Variants in FAM98B observed in about 807,000 individuals in gnomAD.
FAM98B encodes tRNA splicing ligase complex subunit 3B.
A neutral mutation model predicts 43.9 loss-of-function variants in FAM98B; 32 were observed. The ratio of observed to expected loss-of-function variants is 0.73; its 90% confidence interval spans 0.55 to 0.98. FAM98B has a LOEUF of 0.98. Ranked by LOEUF, FAM98B falls within the 50% of genes least tolerant of loss-of-function variation. The pLI is 0.00. For missense variants in FAM98B, 514 were observed against 522.9 expected (o/e 0.98, Z 0.17); for synonymous variants, 190 against 174.0 (o/e 1.09, Z -0.72).
intron 6 of FAM98B, among the ~76,000 whole-genome samples, chr15:38,480,330 G>A (rs532645602): frequency 2.1e-4 from 32 of 151,894 alleles, no homozygotes; most frequent in Non-Finnish European, 4.3e-4. Flanking sequence ...TCCTTTTCTC[G>A]TTGATCTGTG....
In FAM98B at chr15:38,481,334, T is replaced by C; in HGVS notation, c.772T>C (p.Tyr258His). 1 of 1,614,172 alleles carries C rather than the reference T, an allele frequency of 6.2e-7. No individual in the cohort carries two copies. The highest frequency in any genetic ancestry group is 8.5e-7 in the Non-Finnish European group (1 of 1,180,016). The change falls in exon 7 of 8, where the codon TAT becomes CAT. Residue 258 changes from tyrosine to histidine, a missense_variant. Around this residue, in one of 2 missense-constraint regions of FAM98B, gnomAD observed 469 missense variants for 451.8 expected, o/e 1.04. Transcript: ENST00000397609. ...AGCAAGAATTTATCAGCCTAAGCGT[T>C]ATGCTTTGTCACCCAAGACAACGAT... ...DIARIYQPKR[Y>H]ALSPKTTITM...
chr15:38,454,530 C>G (rs1889818005), intron 1 of FAM98B, among the ~76,000 whole-genome samples: 1 of 152,226 alleles, frequency 6.6e-6, no homozygotes, highest in African/African-American at 2.4e-5. Context: ...CACCGGTTTT[C>G]TGGGCTAGCT....
In FAM98B at chr15:38,454,249, A is replaced by C. The variant is rs1889812188; in HGVS notation, c.71+17A>C. On this transcript the variant is annotated intron_variant, in intron 1 of 7. Coordinates refer to ENST00000397609, the MANE Select transcript of FAM98B (RefSeq NM_173611.4). ...GGCGCTGGGGTGAGTGCTTTTGGAGACGCCTTTTCCCTGAAAACGCAACCT... is the reference window on the plus strand; with the variant it reads ...GGCGCTGGGGTGAGTGCTTTTGGAGCCGCCTTTTCCCTGAAAACGCAACCT... The C allele has an allele frequency of 6.3e-7, 1 of 1,593,516 alleles. No homozygotes were observed. Among genetic ancestry groups the C allele is most frequent in the Non-Finnish European group, 8.5e-7 (1 of 1,171,558 alleles).
chr15:38,465,507 G>T lies in FAM98B; in HGVS notation c.352+104G>T, dbSNP rs928000838. The T allele has an allele frequency of 3.7e-6, 4 of 1,069,998 alleles. No homozygotes were observed. In the African/African-American group the frequency reaches 6.5e-5, roughly 17 times the overall value. The allele number at this position is 1,069,998 out of a possible 1,614,324, so 66.3% of individuals were successfully genotyped here. On this transcript the variant is annotated intron_variant, in intron 3 of 7. Coordinates refer to ENST00000397609, the MANE Select transcript of FAM98B (RefSeq NM_173611.4). ...ATTAGACATTTTGTATATTAAAAGGGTTTTAATATTTTACTTAAAATACAA... is the reference window on the plus strand; with the variant it reads ...ATTAGACATTTTGTATATTAAAAGGTTTTTAATATTTTACTTAAAATACAA...
intron 7 of FAM98B, chr15:38,482,268 C>T (rs954383522): frequency 3.3e-5 from 5 of 152,242 alleles, no homozygotes; most frequent in African/African-American, 1.2e-4. Flanking sequence ...TCTGTGCTTC[C>T]ACTGTGGCTC....
At chr15:38,477,868 A>G (rs184533647) in intron 6 of FAM98B, among the ~76,000 whole-genome samples, 2 of 152,200 alleles carry the variant, frequency 1.3e-5, no homozygotes, top group Non-Finnish European at 1.5e-5. Flanking sequence ...TAAGTTACCA[A>G]CGAAGCAGAT....
chr15:38,469,415 C>CATGTGTG (rs1890089622), intron 3 of FAM98B, among the ~76,000 whole-genome samples: 2 of 152,124 alleles, frequency 1.3e-5, no homozygotes, highest in Non-Finnish European at 2.9e-5. Flanking sequence ...TATGTTCTCC[C>CATGTGTG]CTGACCTGTG....
At chr15:38,459,459 G>A in intron 1 of FAM98B, 1 of 349,870 alleles carries the variant, frequency 2.9e-6, no homozygotes, top group Admixed American at 3.6e-5. Flanking sequence ...GCTTCTTAAG[G>A]AGGGCTTGGA....
At position 38,484,412 on chromosome 15, in the gene FAM98B, GT is replaced by G; in HGVS notation, c.1056del (p.Gly354ValfsTer86). 3 of 953,656 alleles carry G rather than the reference GT, an allele frequency of 3.1e-6. No homozygotes were observed. Among genetic ancestry groups the G allele is most frequent in the Non-Finnish European group, 3.8e-6 (3 of 783,612 alleles). The allele number at this position is 953,656 out of a possible 1,614,324, so 59.1% of individuals were successfully genotyped here. A position where few individuals can be genotyped will look rare whatever the true frequency, so the allele number is the denominator to read the frequency against. On this transcript the variant is annotated frameshift_variant, in exon 8 of 8. Transcript: ENST00000397609. LOFTEE classifies it low-confidence loss of function (END_TRUNC). Reference protein sequence around the residue: ...GGGGGRGGGGGGGGRGGWGGG... With the variant: ...GGGGGRGGGGXGGGRGGWGGG... ...GGTGGTGGTAGAGGAGGTGGTGGGG[GT>G]GGGGGTGGGAGAGGTGGCTGGGGGG...
chr15:38,466,813 T>C (rs144310473), intron 3 of FAM98B, among the ~76,000 whole-genome samples: 72 of 152,226 alleles, frequency 4.7e-4, no homozygotes, highest in Admixed American at 9.2e-4. Flanking sequence ...AGAAAAGCAT[T>C]TATAATCTCA....
chr15:38,485,815 T>C lies in FAM98B; in HGVS notation c.*1156T>C, dbSNP rs915293855. On this transcript the variant is annotated 3_prime_UTR_variant, in exon 8 of 8. Coordinates refer to ENST00000397609, the MANE Select transcript of FAM98B (RefSeq NM_173611.4). ...TTGTTAAAAACTTACAGAGGGCCTA[T>C]TTTGAATGCTTTAAGATGTAGGCCA... is the stretch of plus-strand genomic sequence containing the variant. 15 of 152,164 alleles carry C rather than the reference T, an allele frequency of 9.9e-5. No individual in the cohort carries two copies. Among genetic ancestry groups the C allele is most frequent in the Non-Finnish European group, 1.9e-4 (13 of 68,018 alleles). The allele number at this position is 152,164 out of a possible 1,614,324, so 9.4% of individuals were successfully genotyped here. A position where few individuals can be genotyped will look rare whatever the true frequency, so the allele number is the denominator to read the frequency against.
At position 38,487,151 on chromosome 15, in the gene FAM98B, T is replaced by C. The variant is rs1890390120; in HGVS notation, c.*2492T>C. On this transcript the variant is annotated 3_prime_UTR_variant, in exon 8 of 8. Transcript: ENST00000397609. ...AAGAGCATGTATTCTGTCTATAACA[T>C]AATCACCACACTATTACTCATAAGC... is the stretch of plus-strand genomic sequence containing the variant. The C allele has an allele frequency of 6.6e-6, 1 of 152,128 alleles. No homozygotes were observed. Among genetic ancestry groups the C allele is most frequent in the African/African-American group, 2.4e-5 (1 of 41,460 alleles). The allele number at this position is 152,128 out of a possible 1,614,324, so 9.4% of individuals were successfully genotyped here.
intron 7 of FAM98B, chr15:38,481,840 G>C: frequency 2.7e-6 from 1 of 364,464 alleles, no homozygotes; most frequent in Non-Finnish European, 5.0e-6. Context: ...TTTAGAGTCA[G>C]ACCAATCTGG....
In FAM98B at chr15:38,485,631, C is replaced by G. The variant is rs1890357752; in HGVS notation, c.*972C>G. The G allele has an allele frequency of 6.6e-6, 1 of 152,140 alleles. No individual in the cohort carries two copies. The highest frequency in any genetic ancestry group is 2.1e-4 in the South Asian group (1 of 4,830). The allele number at this position is 152,140 out of a possible 1,614,324, so 9.4% of individuals were successfully genotyped here. ...TTGGAGCAGTCAAAGTCTTAGCTATCAAGAGTTGTGAATTTGAATCATGGC... is the reference window on the plus strand; with the variant it reads ...TTGGAGCAGTCAAAGTCTTAGCTATGAAGAGTTGTGAATTTGAATCATGGC... On this transcript the variant is annotated 3_prime_UTR_variant, in exon 8 of 8. Transcript: ENST00000397609.
chr15:38,458,645 C>A, intron 1 of FAM98B: 1 of 190,194 alleles, frequency 5.3e-6, no homozygotes, highest in Non-Finnish European at 1.1e-5. Context: ...TTTCCAGGCC[C>A]ATGTGGTGAG....
intron 6 of FAM98B, among the ~76,000 whole-genome samples, chr15:38,475,351 G>C (rs1890180870): frequency 6.6e-6 from 1 of 152,152 alleles, no homozygotes; most frequent in African/African-American, 2.4e-5. Context: ...TATGGCTGCT[G>C]TGAAAGTTTA....
At chr15:38,478,400 G>A (rs1890235859) in intron 6 of FAM98B, among the ~76,000 whole-genome samples, 1 of 151,816 alleles carries the variant, frequency 6.6e-6, no homozygotes, top group Admixed American at 6.6e-5. Context: ...TTTTTCAATT[G>A]ATTATATGAT....
At chr15:38,456,577 A>T (rs1390569660) in intron 1 of FAM98B, among the ~76,000 whole-genome samples, 2 of 152,252 alleles carry the variant, frequency 1.3e-5, no homozygotes, top group African/African-American at 4.8e-5. Context: ...AGACATGATC[A>T]CAAAAACAAT....
intron 1 of FAM98B, among the ~76,000 whole-genome samples, chr15:38,463,818 G>A (rs1318562397): frequency 6.6e-6 from 1 of 152,130 alleles, no homozygotes; most frequent in Non-Finnish European, 1.5e-5. Flanking sequence ...TTCTTTAGAA[G>A]GCCATGTAGT....
Sources: gnomAD v4.1 joint callset for allele counts (sites outside exome capture counted in the v4.1 genomes callset) on GRCh38, gnomAD v4.1.1 for gene constraint, gnomAD v4.1.1 regional missense constraint, MANE v1.5 for transcripts, NCBI Gene and HGNC (gene_info 2026-07-23, HGNC 2026-07-21) for gene names.